Variants in RASGRF2 observed in about 807,000 individuals in gnomAD.
RASGRF2 encodes Ras protein specific guanine nucleotide releasing factor 2.
In RASGRF2, 76 loss-of-function variants were observed where a neutral mutation model predicts 151.0. The observed-to-expected ratio is 0.50, with a 90% CI of 0.42 to 0.61. The LOEUF (loss-of-function observed/expected upper bound fraction) is 0.61. Ranked by LOEUF, RASGRF2 falls within the 20% of genes least tolerant of loss-of-function variation. The pLI, the probability that RASGRF2 is intolerant of heterozygous loss-of-function variation, is 0.00. For synonymous variants in RASGRF2, 504 were observed against 566.5 expected (o/e 0.89, Z 1.57); for missense variants, 1,148 against 1,564.6 (o/e 0.73, Z 4.49).
intron 2 of RASGRF2, among the ~76,000 whole-genome samples, chr5:81,059,136 C>G (rs1561583671): frequency 6.6e-6 from 1 of 152,096 alleles, no homozygotes; most frequent in Admixed American, 6.6e-5. Flanking sequence ...GTAATCCCAG[C>G]ACTTTGGGAG....
intron 17 of RASGRF2, among the ~76,000 whole-genome samples, chr5:81,158,777 G>A (rs1398203234): frequency 2.0e-5 from 3 of 152,170 alleles, no homozygotes; most frequent in Admixed American, 2.0e-4. Context: ...AAAATTGACA[G>A]ATGGTGACAA....
At position 81,118,819 on chromosome 5, in the gene RASGRF2, A is replaced by G. The variant is rs1753229215; in HGVS notation, c.2471-4823A>G. The stretch of plus-strand genomic sequence containing the variant: ...TTTCTTCCACCAGGTATCCTAGTTC[A>G]TTACTCTGAAGTTCTACCTTCCATA... On this transcript the variant is annotated intron_variant, in intron 15 of 26. Coordinates refer to ENST00000265080, the MANE Select transcript of RASGRF2 (RefSeq NM_006909.3). 1.3e-5 allele frequency among the ~76,000 whole-genome samples: 2 copies of G among 151,660 alleles called. 1 individual carries two copies. The highest frequency in any genetic ancestry group is 4.1e-4 in the South Asian group (2 of 4,830).
At position 81,040,731 on chromosome 5, in the gene RASGRF2, CT is replaced by C. The variant is rs532668854; in HGVS notation, c.289-2140del. Reference sequence around the variant, plus strand: ...TTTTTGTTTCTACACCTGAGGATTCCTTTTTTCTCCCCCTGCTTTAGCTTGA... The same window carrying C: ...TTTTTGTTTCTACACCTGAGGATTCCTTTTTCTCCCCCTGCTTTAGCTTGA... On this transcript the variant is annotated intron_variant, in intron 1 of 26. Coordinates refer to ENST00000265080, the MANE Select transcript of RASGRF2 (RefSeq NM_006909.3). Among the ~76,000 whole-genome samples, 16 of 152,292 alleles carry C rather than the reference CT, an allele frequency of 1.1e-4. No individual in the cohort carries two copies. The South Asian group carries it at 3.1e-3, about 30-fold the overall frequency.
intron 2 of RASGRF2, among the ~76,000 whole-genome samples, chr5:81,063,963 C>T (rs764108839): frequency 6.6e-6 from 1 of 152,068 alleles, no homozygotes; most frequent in Non-Finnish European, 1.5e-5. Context: ...TCATTTGGGG[C>T]TGTGTTTGTT....
In RASGRF2 at chr5:81,086,459, G is replaced by A. The variant is rs561191469; in HGVS notation, c.1272-376G>A. On this transcript the variant is annotated intron_variant, in intron 8 of 26. Coordinates refer to ENST00000265080, the MANE Select transcript of RASGRF2 (RefSeq NM_006909.3). ...TTGTTACAAGCACTTATTTATGTCT[G>A]TGTTACTTTAGCTTATATGGGATAA... Among the ~76,000 whole-genome samples, 5 of 152,284 alleles carry A rather than the reference G, an allele frequency of 3.3e-5. No individual in the cohort carries two copies. In the East Asian group the frequency reaches 9.6e-4, roughly 29 times the overall value.
intron 1 of RASGRF2, among the ~76,000 whole-genome samples, chr5:80,989,938 A>T (rs934151201): frequency 1.3e-5 from 2 of 152,114 alleles, no homozygotes; most frequent in Admixed American, 1.3e-4. Context: ...ACTTCAGACC[A>T]CTATTGTTTG....
chr5:81,206,823 G>T (rs1175560957), intron 19 of RASGRF2, 22 bp from the exon 20 acceptor site: 4 of 1,592,020 alleles, frequency 2.5e-6, no homozygotes, highest in Admixed American at 1.7e-5. Context: ...TTTCATGGAG[G>T]ATAATTTGAT....
chr5:80,961,153 G>A (rs1747540361), intron 1 of RASGRF2, 127 bp downstream of exon 1: 1 of 1,110,150 alleles, frequency 9.0e-7, no homozygotes, highest in Non-Finnish European at 1.2e-6. Context: ...ATCCCCCCGC[G>A]TCACCAGTGG....
chr5:81,204,238 A>G (rs1045056459), intron 19 of RASGRF2: 1 of 152,222 alleles, frequency 6.6e-6, no homozygotes, highest in African/African-American at 2.4e-5. Flanking sequence ...TCTTTTCTCT[A>G]TTGGAACTGA....
intron 17 of RASGRF2, among the ~76,000 whole-genome samples, chr5:81,158,615 A>G (rs2114971): frequency 0.029 from 4,362 of 152,236 alleles, 201 homozygotes; most frequent in African/African-American, 0.097. Flanking sequence ...CAATAATAAG[A>G]TAACCTGAGA....
chr5:81,102,885 CAT>C (rs748079260), intron 12 of RASGRF2, among the ~76,000 whole-genome samples: 4 of 152,124 alleles, frequency 2.6e-5, no homozygotes, highest in Non-Finnish European at 5.9e-5. Flanking sequence ...GGGCTCGTGA[CAT>C]GTGCTCAAAT....
At chr5:80,995,972 T>G (rs1016859237) in intron 1 of RASGRF2, among the ~76,000 whole-genome samples, 7 of 152,032 alleles carry the variant, frequency 4.6e-5, no homozygotes, top group Non-Finnish European at 7.4e-5. Context: ...GGATTACAGG[T>G]GTGAGACACT....
In RASGRF2 at chr5:81,225,863, G is replaced by A; in HGVS notation, c.*93G>A. Reference sequence around the variant, plus strand: ...CTTGCCTATCACGGTACAGCACGAAGCCAGGCTCCTTTCTCCACCAAAGAA... The same window carrying A: ...CTTGCCTATCACGGTACAGCACGAAACCAGGCTCCTTTCTCCACCAAAGAA... On this transcript the variant is annotated 3_prime_UTR_variant, in exon 27 of 27. Transcript: ENST00000265080. 7.6e-7 allele frequency: 1 copy of A among 1,323,148 alleles called. No individual in the cohort carries two copies. Among genetic ancestry groups the A allele is most frequent in the Non-Finnish European group, 1.0e-6 (1 of 990,640 alleles). 82.0% of individuals were successfully genotyped at this position (1,323,148 alleles called of 1,614,324 possible). A position where few individuals can be genotyped will look rare whatever the true frequency, so the allele number is the denominator to read the frequency against.
intron 1 of RASGRF2, among the ~76,000 whole-genome samples, chr5:81,028,958 C>T (rs549682552): frequency 2.2e-4 from 33 of 152,320 alleles, no homozygotes; most frequent in East Asian, 3.9e-4. Flanking sequence ...CCTAACACTG[C>T]GCTTTTCCAA....
intron 1 of RASGRF2, among the ~76,000 whole-genome samples, chr5:81,026,911 A>C (rs1449766429): frequency 6.6e-6 from 1 of 152,238 alleles, no homozygotes; most frequent in East Asian, 1.9e-4. Context: ...TTGAAGCTGA[A>C]ACATTTTGGG....
intron 17 of RASGRF2, among the ~76,000 whole-genome samples, chr5:81,143,054 G>A (rs1467747844): frequency 2.6e-5 from 4 of 152,138 alleles, no homozygotes; most frequent in African/African-American, 9.7e-5. Flanking sequence ...TTTTAAAGAC[G>A]AAAAAATCTT....
chr5:81,098,130 G>T (rs455461), intron 12 of RASGRF2, among the ~76,000 whole-genome samples: 39,995 of 152,042 alleles, frequency 0.26, 5,414 homozygotes, highest in Admixed American at 0.32. Flanking sequence ...AGCAGAGTTT[G>T]ATTGTGGATT....
intron 2 of RASGRF2, among the ~76,000 whole-genome samples, chr5:81,066,206 C>A (rs1450510745): frequency 1.3e-5 from 2 of 152,094 alleles, no homozygotes; most frequent in Non-Finnish European, 2.9e-5. Flanking sequence ...ACTCTTCTAT[C>A]TTTTCTTCTT....
In RASGRF2 at chr5:81,228,281, G is replaced by C. The variant is rs966066326; in HGVS notation, c.*2511G>C. ...GTCTGCAGCCTTCCTGGAGCTGCAA[G>C]AGGGCAAGAGAGAGAGCTCCACCTC... On this transcript the variant is annotated 3_prime_UTR_variant, in exon 27 of 27. Transcript: ENST00000265080. 6.6e-6 allele frequency: 1 copy of C among 152,270 alleles called. No homozygotes were observed. Among genetic ancestry groups the C allele is most frequent in the Non-Finnish European group, 1.5e-5 (1 of 68,080 alleles). The allele number at this position is 152,270 out of a possible 1,614,324, so 9.4% of individuals were successfully genotyped here. A position where few individuals can be genotyped will look rare whatever the true frequency, so the allele number is the denominator to read the frequency against.
Sources: allele counts gnomAD v4.1 joint callset (sites outside exome capture counted in the v4.1 genomes callset), GRCh38; gene constraint gnomAD v4.1.1; transcripts MANE v1.5; gene names NCBI Gene and HGNC (gene_info 2026-07-23, HGNC 2026-07-21).